The following RPSA2 variants were observed in gnomAD, a reference collection of about 807,000 sequenced individuals.
RPSA2 encodes ribosomal protein SA 2.
the RPSA2 span, among the ~76,000 whole-genome samples, chr19:23,845,188 T>C: frequency 2.6e-5 from 1 of 38,874 alleles, no homozygotes; most frequent in East Asian, 6.6e-4. Flanking sequence ...TTTATAAATT[T>C]TGTCTTTTTG....
chr19:23,771,580 C>T, the RPSA2 span, among the ~76,000 whole-genome samples: 2 of 151,646 alleles, frequency 1.3e-5, no homozygotes, highest in African/African-American at 2.4e-5. Context: ...GCCCAGTGTA[C>T]AGACGGGGTT....
the RPSA2 span, among the ~76,000 whole-genome samples, chr19:23,811,293 A>G: frequency 6.6e-6 from 1 of 152,176 alleles, no homozygotes; most frequent in Non-Finnish European, 1.5e-5. Context: ...TTGGGATTAC[A>G]GGTGTAAGCC....
At chr19:23,810,621 G>T in the RPSA2 span, among the ~76,000 whole-genome samples, 3 of 152,046 alleles carry the variant, frequency 2.0e-5, no homozygotes, top group Admixed American at 6.6e-5. Context: ...GTCACTTTGG[G>T]TTTCTACATA....
At chr19:23,829,852 C>T in the RPSA2 span, among the ~76,000 whole-genome samples, 2 of 152,030 alleles carry the variant, frequency 1.3e-5, no homozygotes, top group Non-Finnish European at 2.9e-5. Context: ...AAAATGTTTT[C>T]TGCGTCACTA....
chr19:23,840,539 GCA>G, the RPSA2 span, among the ~76,000 whole-genome samples: 5 of 152,242 alleles, frequency 3.3e-5, no homozygotes, highest in East Asian at 7.7e-4. Context: ...ATTTTTAAAT[GCA>G]CACTTAAAAA....
chr19:23,843,624 G>C, the RPSA2 span, among the ~76,000 whole-genome samples: 1 of 152,176 alleles, frequency 6.6e-6, no homozygotes, highest in Admixed American at 6.5e-5. Flanking sequence ...TAGATCATTT[G>C]TTAGGTTTTC....
chr19:23,848,157 A>T, the RPSA2 span, among the ~76,000 whole-genome samples: 30 of 152,320 alleles, frequency 2.0e-4, no homozygotes, highest in African/African-American at 7.2e-4. Context: ...TTAAAGTAAG[A>T]TAGGCATAAG....
At chr19:23,827,342 G>T in the RPSA2 span, 3 of 1,588,156 alleles carry the variant, frequency 1.9e-6, no homozygotes, top group African/African-American at 1.3e-5. Context: ...GCTTCTGCTG[G>T]CAGCTCGTGC....
At chr19:23,783,342 G>C in the RPSA2 span, among the ~76,000 whole-genome samples, 1 of 152,006 alleles carries the variant, frequency 6.6e-6, no homozygotes, top group Admixed American at 6.6e-5. Context: ...TGATTTGACT[G>C]TCTTAGCCTC....
the RPSA2 span, among the ~76,000 whole-genome samples, chr19:23,847,556 G>T: frequency 3.3e-3 from 496 of 152,272 alleles, 4 homozygotes; most frequent in African/African-American, 0.011. Context: ...AGGTCACAAA[G>T]ATCACGTGCT....
the RPSA2 span, among the ~76,000 whole-genome samples, chr19:23,850,701 C>G: frequency 6.6e-6 from 1 of 152,040 alleles, no homozygotes; most frequent in South Asian, 2.1e-4. Flanking sequence ...AGGTATTGGT[C>G]TGGGAATTTT....
chr19:23,779,111 C>CT, the RPSA2 span, among the ~76,000 whole-genome samples: 1 of 148,656 alleles, frequency 6.7e-6, no homozygotes, highest in African/African-American at 2.5e-5. Context: ...TGCCATTCTC[C>CT]TGCCTCAGCC....
the RPSA2 span, chr19:23,827,222 G>A: frequency 5.6e-6 from 5 of 887,592 alleles, no homozygotes; most frequent in South Asian, 5.5e-5. Context: ...GTTCCTTGCA[G>A]CAGGAACCCA....
the RPSA2 span, chr19:23,833,108 A>G: frequency 8.0e-7 from 1 of 1,249,794 alleles, no homozygotes; most frequent in African/African-American, 1.6e-5. Context: ...TTTACTAAAC[A>G]TAAGGTAATT....
the RPSA2 span, chr19:23,827,994 C>T: frequency 1.1e-5 from 9 of 814,456 alleles, no homozygotes; most frequent in Admixed American, 2.0e-5. Context: ...GACTGGTCTG[C>T]AGCTCCCACT....
chr19:23,840,182 G>A, the RPSA2 span, among the ~76,000 whole-genome samples: 3 of 152,180 alleles, frequency 2.0e-5, no homozygotes, highest in African/African-American at 7.2e-5. Flanking sequence ...ATTTACAGTT[G>A]CAATCATTTT....
At chr19:23,857,827 A>AG in the RPSA2 span, among the ~76,000 whole-genome samples, 10 of 151,562 alleles carry the variant, frequency 6.6e-5, no homozygotes, top group South Asian at 2.1e-3. Context: ...CATTTCAATA[A>AG]TTTTTTTTTC....
chr19:23,832,844 C>A, the RPSA2 span: 109 of 1,578,788 alleles, frequency 6.9e-5, no homozygotes, highest in East Asian at 2.4e-3. Flanking sequence ...CAGTCCTCAA[C>A]CCTTACTACA....
At chr19:23,802,225 AAGTGTAAACAAGCATCTTAGG>A in the RPSA2 span, among the ~76,000 whole-genome samples, 420 of 152,294 alleles carry the variant, frequency 2.8e-3, 1 homozygote, top group African/African-American at 9.6e-3. Context: ...CAGAATCTCT[AAGTGTAAACAAGCATCTTAGG>A]AGTGAGAGAT....
Sources: gnomAD v4.1 joint callset for allele counts (sites outside exome capture counted in the v4.1 genomes callset) on GRCh38, gnomAD v4.1.1 for gene constraint, MANE v1.5 for transcripts, NCBI Gene and HGNC (gene_info 2026-07-23, HGNC 2026-07-21) for gene names.